Variants in TBC1D5 observed in about 807,000 individuals in gnomAD.
TBC1D5 encodes the protein TBC1 domain family member 5, also known as TBC1 domain family, member 5.
TBC1D5 carries 75 observed loss-of-function variants against 100.3 expected under a neutral mutation model. That is an observed-to-expected ratio of 0.75 (90% CI 0.62 to 0.91). The LOEUF is 0.91. TBC1D5 is among the 40% of genes least tolerant of loss of function. TBC1D5 has a pLI of 0.00. For missense variants in TBC1D5, 910 were observed against 942.4 expected, an observed-to-expected ratio of 0.97 and a Z score of 0.45; for synonymous variants, 323 against 325.6, an observed-to-expected ratio of 0.99 and a Z score of 0.09.
intron 1 of TBC1D5, among the ~76,000 whole-genome samples, chr3:17,687,927 T>TA (rs1421419355): frequency 1.3e-5 from 2 of 152,148 alleles, no homozygotes; most frequent in Non-Finnish European, 2.9e-5. Flanking sequence ...TGAGGTGAAT[T>TA]AAAATAGGCA....
At chr3:17,594,292 G>C (rs774969510) in intron 2 of TBC1D5, among the ~76,000 whole-genome samples, 4 of 152,096 alleles carry the variant, frequency 2.6e-5, no homozygotes, top group Non-Finnish European at 5.9e-5. Context: ...CCATTAGGGC[G>C]TCTCTTAGTA....
intron 1 of TBC1D5, among the ~76,000 whole-genome samples, chr3:17,688,155 A>T (rs970688852): frequency 6.6e-6 from 1 of 152,176 alleles, no homozygotes; most frequent in African/African-American, 2.4e-5. Context: ...CACAGTATTA[A>T]ATAAAAAAAT....
At chr3:17,313,498 G>A (rs2084290379) in intron 13 of TBC1D5, among the ~76,000 whole-genome samples, 1 of 152,008 alleles carries the variant, frequency 6.6e-6, no homozygotes, top group African/African-American at 2.4e-5. Context: ...ATTGCATATA[G>A]AGATTTGCTA....
chr3:17,238,023 T>A (rs2076001311), intron 17 of TBC1D5, 140 bp downstream of exon 17: 3 of 1,280,874 alleles, frequency 2.3e-6, no homozygotes, highest in Non-Finnish European at 3.1e-6. Context: ...GTATCTAGTA[T>A]TCCAACTTTA....
At chr3:17,460,040 T>C (rs1427388215) in intron 3 of TBC1D5, among the ~76,000 whole-genome samples, 1 of 152,250 alleles carries the variant, frequency 6.6e-6, no homozygotes, top group Non-Finnish European at 1.5e-5. Context: ...AAGTAGTTAG[T>C]CTTTGTATTC....
At chr3:17,673,604 T>C (rs945079370) in intron 1 of TBC1D5, among the ~76,000 whole-genome samples, 92 of 152,132 alleles carry the variant, frequency 6.0e-4, no homozygotes, top group African/African-American at 2.1e-3. Context: ...CATGAGTTAC[T>C]GCACCCAGCC....
intron 3 of TBC1D5, among the ~76,000 whole-genome samples, chr3:17,434,552 T>A (rs1248403964): frequency 6.6e-6 from 1 of 152,210 alleles, no homozygotes; most frequent in African/African-American, 2.4e-5. Context: ...ATCTCATGTC[T>A]TTATAATACC....
At chr3:17,342,689 A>T (rs1227284033) in intron 13 of TBC1D5, among the ~76,000 whole-genome samples, 1 of 152,198 alleles carries the variant, frequency 6.6e-6, no homozygotes, top group Non-Finnish European at 1.5e-5. Context: ...AGATACCCCT[A>T]ATCTCATTGC....
At chr3:17,691,199 C>T (rs2071100986) in intron 1 of TBC1D5, among the ~76,000 whole-genome samples, 1 of 152,142 alleles carries the variant, frequency 6.6e-6, no homozygotes, top group African/African-American at 2.4e-5. Context: ...CTCATGTTAA[C>T]AGCAATGAGG....
At chr3:17,456,736 T>A (rs566377746) in intron 3 of TBC1D5, among the ~76,000 whole-genome samples, 1 of 152,116 alleles carries the variant, frequency 6.6e-6, no homozygotes, top group African/African-American at 2.4e-5. Context: ...GTTTGGAGGT[T>A]CCTCAAAAAT....
At chr3:17,496,735 G>C (rs1037426488) in intron 3 of TBC1D5, among the ~76,000 whole-genome samples, 4 of 152,052 alleles carry the variant, frequency 2.6e-5, no homozygotes, top group Non-Finnish European at 5.9e-5. Flanking sequence ...AGTAAATCAG[G>C]CATTACTTGT....
At chr3:17,639,554 A>C (rs2064302226) in intron 1 of TBC1D5, among the ~76,000 whole-genome samples, 1 of 152,132 alleles carries the variant, frequency 6.6e-6, no homozygotes, top group South Asian at 2.1e-4. Context: ...CCCTCACCAA[A>C]GATAACTTTT....
intron 15 of TBC1D5, among the ~76,000 whole-genome samples, chr3:17,263,072 A>G (rs988944421): frequency 6.6e-6 from 1 of 151,738 alleles, no homozygotes; most frequent in Non-Finnish European, 1.5e-5. Context: ...AACAAAAAAT[A>G]AAAAAAATTA....
At chr3:17,726,340 G>C (rs2076127441) in intron 1 of TBC1D5, among the ~76,000 whole-genome samples, 1 of 152,122 alleles carries the variant, frequency 6.6e-6, no homozygotes, top group Non-Finnish European at 1.5e-5. Flanking sequence ...CAGTTTTTAA[G>C]CATTCCTTAT....
chr3:17,324,795 G>A (rs2085883272), intron 13 of TBC1D5, among the ~76,000 whole-genome samples: 1 of 151,982 alleles, frequency 6.6e-6, no homozygotes, highest in African/African-American at 2.4e-5. Flanking sequence ...CAAGATATAA[G>A]AACAGACACC....
chr3:17,602,139 G>A (rs1415891618), intron 2 of TBC1D5, among the ~76,000 whole-genome samples: 1 of 152,106 alleles, frequency 6.6e-6, no homozygotes, highest in East Asian at 1.9e-4. Context: ...CCAATAAGTG[G>A]TATTAACTCA....
chr3:17,273,605 G>A (rs895813550), intron 15 of TBC1D5, among the ~76,000 whole-genome samples: 5 of 151,918 alleles, frequency 3.3e-5, no homozygotes, highest in African/African-American at 1.2e-4. Context: ...TCAGGTGTTC[G>A]AGACCAGCCT....
chr3:17,308,367 GA>G (rs949533656), intron 13 of TBC1D5, among the ~76,000 whole-genome samples: 4 of 152,000 alleles, frequency 2.6e-5, no homozygotes, highest in Admixed American at 2.0e-4. Flanking sequence ...ACATATATAT[GA>G]AAAAAGTCAA....
At chr3:17,379,785 T>C (rs1370244706) in intron 9 of TBC1D5, among the ~76,000 whole-genome samples, 1 of 151,946 alleles carries the variant, frequency 6.6e-6, no homozygotes, top group Non-Finnish European at 1.5e-5. Flanking sequence ...AAATTAAAGA[T>C]TATAAATTAG....
Sources: gnomAD v4.1 joint callset for allele counts (sites outside exome capture counted in the v4.1 genomes callset) on GRCh38, gnomAD v4.1.1 for gene constraint, MANE v1.5 for transcripts, NCBI Gene and HGNC (gene_info 2026-07-23, HGNC 2026-07-21) for gene names.